The following MDN1 variants were observed in gnomAD, a reference collection of about 807,000 sequenced individuals.
The protein encoded by MDN1 is midasin.
A neutral mutation model predicts 669.2 loss-of-function variants in MDN1; 266 were observed. The ratio of observed to expected loss-of-function variants is 0.40; its 90% CI spans 0.36 to 0.44. MDN1 has a LOEUF of 0.44. MDN1 is among the 20% of genes least tolerant of loss of function. The probability of loss-of-function intolerance (pLI) is 1.00; values close to 1 mark genes in which losing one functional copy is unlikely to be tolerated. For synonymous variants in MDN1, 2,385 were observed against 2,457.1 expected (o/e 0.97, Z 0.87); for missense variants, 5,940 against 6,754.0 (o/e 0.88, Z 4.22).
At chr6:89,668,188 C>A in intron 83 of MDN1, 37 bp from the exon 84 acceptor site, 1 of 1,608,044 alleles carries the variant, frequency 6.2e-7, no homozygotes, top group Non-Finnish European at 8.5e-7. Flanking sequence ...CAATTAGGCA[C>A]AAAAGCAATT....
Position 89,790,278 on chromosome 6 carries a change from A to G in MDN1, c.979T>C (p.Leu327=), listed in dbSNP as rs1413363012. ...TTGCCACATCCTATTGGTCCTTCCA[A>G]CAACACAGCATTCTGAGAAGCAACC... The part of the protein sequence containing the change: ...MAVASQNAVL[L]EGPIGCGKTS... The change falls in exon 6 of 102, where the codon TTG becomes CTG. Residue 327 remains leucine (L), a synonymous_variant. Transcript: ENST00000369393. The G allele has an allele frequency of 6.2e-7, 1 of 1,614,180 alleles. No individual in the cohort carries two copies. The highest frequency in any genetic ancestry group is 1.1e-5 in the South Asian group (1 of 91,084).
chr6:89,801,623 C>G (rs1262066154), intron 2 of MDN1, among the ~76,000 whole-genome samples: 1 of 151,546 alleles, frequency 6.6e-6, no homozygotes, highest in Admixed American at 6.6e-5. Flanking sequence ...GCACTCCAGC[C>G]TAGGTGACAG....
At chr6:89,718,103 T>A (rs1407867730) in intron 43 of MDN1, among the ~76,000 whole-genome samples, 2 of 152,232 alleles carry the variant, frequency 1.3e-5, no homozygotes, top group African/African-American at 4.8e-5. Flanking sequence ...AAGTTTTACA[T>A]GCTGTTTTAT....
chr6:89,708,768 A>G, intron 50 of MDN1, 140 bp from the exon 51 acceptor site: 1 of 871,412 alleles, frequency 1.1e-6, no homozygotes, highest in Non-Finnish European at 1.8e-6. Flanking sequence ...AGTAAATACC[A>G]TGAGTTTCAT....
chr6:89,735,878 G>C (rs895855558), intron 33 of MDN1, among the ~76,000 whole-genome samples: 3 of 152,078 alleles, frequency 2.0e-5, no homozygotes, highest in Non-Finnish European at 2.9e-5. Flanking sequence ...AAATTAGCTG[G>C]GCGTTGTGGC....
At chr6:89,788,060 G>A in intron 7 of MDN1, 103 bp from the exon 8 acceptor site, 2 of 995,228 alleles carry the variant, frequency 2.0e-6, no homozygotes, top group Admixed American at 2.4e-5. Flanking sequence ...CACCCTTAAA[G>A]GAAACGTCAG....
At chr6:89,767,536 T>C (rs1817857243) in intron 15 of MDN1, among the ~76,000 whole-genome samples, 1 of 151,942 alleles carries the variant, frequency 6.6e-6, no homozygotes. Flanking sequence ...GGCAGGTGGA[T>C]CACCTGAGGT....
Position 89,758,885 on chromosome 6 carries a change from G to T in MDN1, c.2536C>A (p.Leu846Ile). 1 of 1,614,080 alleles carries T rather than the reference G, an allele frequency of 6.2e-7. No homozygotes were observed. The highest frequency in any genetic ancestry group is 8.5e-7 in the Non-Finnish European group (1 of 1,179,980). ...TCAAGCAAACCACTCAGACATTCTAGTATTTCTGGAGCAGCCAAGTTAATC... is the reference window on the plus strand; with the variant it reads ...TCAAGCAAACCACTCAGACATTCTATTATTTCTGGAGCAGCCAAGTTAATC... ...DEINLAAPEI[L>I]ECLSGLLEGS... Residue 846 changes from leucine (L) to isoleucine (I), a missense_variant, in exon 18 of 102, where the codon CTA becomes ATA. By Grantham distance (5) the Leu-to-Ile change is conservative. This residue lies in a region of MDN1 where 1,203 missense variants were observed against 1,268.9 expected (regional missense o/e 0.95). Coordinates refer to ENST00000369393, the MANE Select transcript of MDN1 (RefSeq NM_014611.3).
At chr6:89,794,439 G>A in intron 3 of MDN1, 138 bp downstream of exon 3, 1 of 811,352 alleles carries the variant, frequency 1.2e-6, no homozygotes, top group African/African-American at 1.7e-5. Flanking sequence ...TTAAAGAAAG[G>A]AAGTAAAACC....
chr6:89,688,838 T>A, intron 65 of MDN1, 30 bp from the exon 66 acceptor site: 1 of 1,566,040 alleles, frequency 6.4e-7, no homozygotes, highest in African/African-American at 1.3e-5. Context: ...GTAAAGTCAG[T>A]GAATTCAGTA....
At chr6:89,784,280 C>A (rs1192142385) in intron 9 of MDN1, among the ~76,000 whole-genome samples, 1 of 152,018 alleles carries the variant, frequency 6.6e-6, no homozygotes, top group Non-Finnish European at 1.5e-5. Flanking sequence ...CACGCCATTG[C>A]ACTCCAGCCT....
At chr6:89,780,435 G>A in intron 10 of MDN1, 142 bp from the exon 11 acceptor site, 1 of 460,388 alleles carries the variant, frequency 2.2e-6, no homozygotes, top group Admixed American at 4.3e-5. Context: ...TAGATAAAAG[G>A]TATTTGGGAA....
At position 89,716,783 on chromosome 6, in the gene MDN1, G is replaced by C. The variant is rs139594379; in HGVS notation, c.6610C>G (p.Arg2204Gly). The C allele has an allele frequency of 2.5e-6, 4 of 1,609,104 alleles. No individual in the cohort carries two copies. Among genetic ancestry groups the C allele is most frequent in the Non-Finnish European group, 3.4e-6 (4 of 1,178,304 alleles). The change falls in exon 44 of 102, where the codon CGA becomes GGA. Residue 2204 changes from arginine to glycine, a missense_variant. Arg to Gly is a moderately radical substitution (Grantham distance 125, BLOSUM62 -2). Transcript: ENST00000369393. ...TGCGTAAGCTTCACACCAAAGCTTC[G>C]GAACTCTTCAACAAGTTTGGCAAAC... ...AEFAKLVEEF[R>G]SFGVKLTQLA...
chr6:89,735,771 C>T (rs1304967036), intron 33 of MDN1, among the ~76,000 whole-genome samples: 1 of 152,100 alleles, frequency 6.6e-6, no homozygotes, highest in African/African-American at 2.4e-5. Flanking sequence ...CCTATAATCC[C>T]AGCACTTTGG....
At chr6:89,744,757 C>A (rs1816500524) in intron 29 of MDN1, among the ~76,000 whole-genome samples, 1 of 151,850 alleles carries the variant, frequency 6.6e-6, no homozygotes, top group African/African-American at 2.4e-5. Context: ...GTGGTGCATG[C>A]CTGCAGTCCC....
chr6:89,681,394 G>A (rs974602640), intron 73 of MDN1, among the ~76,000 whole-genome samples: 1 of 152,088 alleles, frequency 6.6e-6, no homozygotes, highest in African/African-American at 2.4e-5. Flanking sequence ...GGCTGGTTTC[G>A]AACTCCTGGT....
intron 9 of MDN1, among the ~76,000 whole-genome samples, chr6:89,784,604 T>G (rs775217618): frequency 6.6e-6 from 1 of 152,188 alleles, no homozygotes; most frequent in Non-Finnish European, 1.5e-5. Flanking sequence ...TATAAAGTGA[T>G]TTACCTCAAT....
chr6:89,747,692 C>A (rs1219083060), intron 26 of MDN1, among the ~76,000 whole-genome samples: 1 of 150,894 alleles, frequency 6.6e-6, no homozygotes, highest in Admixed American at 6.6e-5. Flanking sequence ...GAAATCGAGA[C>A]CATCCTGGCT....
chr6:89,777,685 C>A (rs1323648473), intron 11 of MDN1, among the ~76,000 whole-genome samples: 1 of 152,162 alleles, frequency 6.6e-6, no homozygotes, highest in African/African-American at 2.4e-5. Flanking sequence ...ATCGTAGAAA[C>A]TAAAATTGGC....
Sources: gnomAD v4.1 joint callset for allele counts (sites outside exome capture counted in the v4.1 genomes callset) on GRCh38, gnomAD v4.1.1 for gene constraint, gnomAD v4.1.1 regional missense constraint, MANE v1.5 for transcripts, NCBI Gene and HGNC (gene_info 2026-07-23, HGNC 2026-07-21) for gene names.